Variants in CNTNAP2 observed in about 807,000 individuals in gnomAD.
CNTNAP2 encodes contactin-associated protein-like 2.
Under a neutral mutation model 155.2 loss-of-function variants are expected in CNTNAP2, and 98 were observed. That is an observed-to-expected ratio of 0.63 (90% confidence interval 0.54 to 0.75). CNTNAP2 has a LOEUF of 0.75. CNTNAP2 is among the 30% of genes least tolerant of loss of function. CNTNAP2 has a pLI of 0.00. For synonymous variants in CNTNAP2, 651 were observed against 631.2 expected (o/e 1.03, Z -0.47); for missense variants, 1,727 against 1,688.1 (o/e 1.02, Z -0.40).
At chr7:148,013,763 C>A (rs10250079) in intron 15 of CNTNAP2, among the ~76,000 whole-genome samples, 1 of 151,814 alleles carries the variant, frequency 6.6e-6, no homozygotes, top group Non-Finnish European at 1.5e-5. Flanking sequence ...CACAAGTGTG[C>A]CTGATGTGGA....
intron 8 of CNTNAP2, among the ~76,000 whole-genome samples, chr7:147,295,416 G>A (rs1156759335): frequency 6.6e-6 from 1 of 152,066 alleles, no homozygotes; most frequent in Non-Finnish European, 1.5e-5. Context: ...CTATGTCTGA[G>A]TTCAAATTCT....
At chr7:147,748,644 A>G (rs1797085539) in intron 13 of CNTNAP2, among the ~76,000 whole-genome samples, 1 of 152,178 alleles carries the variant, frequency 6.6e-6, no homozygotes, top group Non-Finnish European at 1.5e-5. Flanking sequence ...TTTATGCTAC[A>G]TTCTTGTGCA....
chr7:147,277,708 C>T (rs557995212), intron 8 of CNTNAP2, among the ~76,000 whole-genome samples: 52 of 151,868 alleles, frequency 3.4e-4, no homozygotes, highest in African/African-American at 9.9e-4. Flanking sequence ...TATTCATCCT[C>T]CCAAGAAATC....
rs77433899 is a variant in CNTNAP2, at chr7:147,431,629, T to C, written c.1670+35849T>C. 1.1e-4 allele frequency among the ~76,000 whole-genome samples: 16 copies of C among 152,316 alleles called. No homozygotes were observed. In the South Asian group the frequency reaches 3.1e-3, roughly 30 times the overall value. ...CAAGACAGCCCTCCACAAAGGTCAC[T>C]AATGACCGCCATGTCTCTTAATAAA... On this transcript the variant is annotated intron_variant, in intron 10 of 23. Transcript: ENST00000361727.
At chr7:146,211,853 T>C (rs1383043765) in intron 1 of CNTNAP2, among the ~76,000 whole-genome samples, 1 of 152,050 alleles carries the variant, frequency 6.6e-6, no homozygotes, top group Non-Finnish European at 1.5e-5. Context: ...TTCTGTAGAG[T>C]ATATAAAGAC....
chr7:147,538,486 A>G (rs1799585740), intron 11 of CNTNAP2, among the ~76,000 whole-genome samples: 2 of 152,032 alleles, frequency 1.3e-5, no homozygotes, highest in Non-Finnish European at 2.9e-5. Flanking sequence ...ACCCCCTTCT[A>G]CAAAAAAATA....
chr7:147,735,215 T>C (rs978838729), intron 13 of CNTNAP2, among the ~76,000 whole-genome samples: 2 of 152,172 alleles, frequency 1.3e-5, no homozygotes, highest in Non-Finnish European at 2.9e-5. Flanking sequence ...GATTCTGATA[T>C]GTTGTGTCTT....
chr7:147,387,606 T>G (rs745566381), intron 9 of CNTNAP2, among the ~76,000 whole-genome samples: 17 of 152,164 alleles, frequency 1.1e-4, no homozygotes, highest in Admixed American at 2.0e-4. Flanking sequence ...TTGGGGTACT[T>G]GGTGTATATA....
At chr7:148,157,533 C>T (rs140672858) in intron 17 of CNTNAP2, among the ~76,000 whole-genome samples, 123 of 126,462 alleles carry the variant, frequency 9.7e-4, no homozygotes, top group Middle Eastern at 5.6e-3. Flanking sequence ...TTACTGGGAA[C>T]CACAGACTGA....
At chr7:147,530,186 CTTT>C (rs35151574) in intron 11 of CNTNAP2, among the ~76,000 whole-genome samples, 1 of 136,382 alleles carries the variant, frequency 7.3e-6, no homozygotes. Context: ...GCAAAAGGCA[CTTT>C]TTTTTTTTTT....
At chr7:147,557,005 T>TGGGAGGCTGAGGCAGGCGGGGGTC (rs1416349643) in intron 11 of CNTNAP2, among the ~76,000 whole-genome samples, 1 of 151,914 alleles carries the variant, frequency 6.6e-6, no homozygotes, top group African/African-American at 2.4e-5. Flanking sequence ...CCCAGCACTT[T>TGGGAGGCTGAGGCAGGCGGGGGTC]GGGAGGCTGA....
chr7:148,208,783 C>T (rs1300548588), intron 18 of CNTNAP2, among the ~76,000 whole-genome samples: 1 of 152,142 alleles, frequency 6.6e-6, no homozygotes. Flanking sequence ...GACCTCTGAA[C>T]AGCATTCTAA....
At chr7:147,568,420 TA>T (rs1800218319) in intron 12 of CNTNAP2, among the ~76,000 whole-genome samples, 2 of 152,172 alleles carry the variant, frequency 1.3e-5, no homozygotes, top group Admixed American at 1.3e-4. Flanking sequence ...ATTTAGAAAT[TA>T]GGGGGTGTCC....
intron 13 of CNTNAP2, among the ~76,000 whole-genome samples, chr7:147,887,195 G>A (rs1429674824): frequency 6.6e-6 from 1 of 152,204 alleles, no homozygotes; most frequent in Non-Finnish European, 1.5e-5. Context: ...CATAAGGCCA[G>A]GCGTGGTGGC....
intron 1 of CNTNAP2, among the ~76,000 whole-genome samples, chr7:146,311,171 T>G (rs1457190386): frequency 1.3e-5 from 2 of 152,202 alleles, no homozygotes; most frequent in African/African-American, 2.4e-5. Flanking sequence ...GTTTTTGTGC[T>G]CCAATAAATG....
intron 11 of CNTNAP2, among the ~76,000 whole-genome samples, chr7:147,505,368 T>C (rs12703924): frequency 0.4 from 59,284 of 149,660 alleles, 12,504 homozygotes; most frequent in African/African-American, 0.43. Flanking sequence ...AATGTTGCCA[T>C]GCGCACACAC....
At chr7:146,320,989 A>C (rs1014583754) in intron 1 of CNTNAP2, among the ~76,000 whole-genome samples, 9 of 152,138 alleles carry the variant, frequency 5.9e-5, no homozygotes, top group African/African-American at 2.2e-4. Flanking sequence ...TAGAGTTCTT[A>C]TCAGAAGCTC....
At chr7:147,786,159 G>A (rs1214706574) in intron 13 of CNTNAP2, among the ~76,000 whole-genome samples, 4 of 152,188 alleles carry the variant, frequency 2.6e-5, no homozygotes, top group African/African-American at 9.7e-5. Flanking sequence ...CGCATGCCCA[G>A]CTACTCGGGA....
intron 1 of CNTNAP2, among the ~76,000 whole-genome samples, chr7:146,205,669 A>G (rs1477971148): frequency 2.0e-5 from 3 of 152,048 alleles, no homozygotes; most frequent in African/African-American, 2.4e-5. Flanking sequence ...TTTTCTCCCT[A>G]TGGAGTAAAT....
Sources: gnomAD v4.1 joint callset for allele counts (sites outside exome capture counted in the v4.1 genomes callset) on GRCh38, gnomAD v4.1.1 for gene constraint, MANE v1.5 for transcripts, NCBI Gene and HGNC (gene_info 2026-07-23, HGNC 2026-07-21) for gene names.